LRP1B: variants seen among roughly 807,000 people sequenced by gnomAD.
LRP1B encodes LDL receptor related protein 1B.
A neutral mutation model predicts 556.6 loss-of-function variants in LRP1B; 217 were observed. That is an observed-to-expected ratio of 0.39 (90% confidence interval 0.35 to 0.44). The LOEUF (loss-of-function observed/expected upper bound fraction) is 0.44, where lower values mean the gene tolerates loss of function less well. Ranked by LOEUF, LRP1B falls within the 20% of genes least tolerant of loss-of-function variation. The probability of loss-of-function intolerance (pLI) is 1.00; values close to 1 mark genes in which losing one functional copy is unlikely to be tolerated. For missense variants in LRP1B, 5,053 were observed against 5,620.8 expected, an observed-to-expected ratio of 0.90 and a Z score of 3.23; for synonymous variants, 2,047 against 1,865.8, an observed-to-expected ratio of 1.10 and a Z score of -2.50.
At chr2:141,401,799 G>A (rs2104926153) in intron 3 of LRP1B, among the ~76,000 whole-genome samples, 1 of 152,078 alleles carries the variant, frequency 6.6e-6, no homozygotes, top group South Asian at 2.1e-4. Context: ...AAAATACCTG[G>A]CACTACCATA....
At chr2:140,979,791 T>C (rs1251547276) in intron 18 of LRP1B, among the ~76,000 whole-genome samples, 1 of 152,178 alleles carries the variant, frequency 6.6e-6, no homozygotes, top group Non-Finnish European at 1.5e-5. Context: ...GTTGTAAGCA[T>C]GCCTGGATTA....
chr2:140,789,279 T>G (rs1293822812), intron 32 of LRP1B, among the ~76,000 whole-genome samples: 2 of 152,082 alleles, frequency 1.3e-5, no homozygotes, highest in Non-Finnish European at 2.9e-5. Flanking sequence ...ACATTCCAAT[T>G]ACCTACCTCC....
chr2:141,878,767 C>A (rs568572365), intron 1 of LRP1B, among the ~76,000 whole-genome samples: 1 of 151,882 alleles, frequency 6.6e-6, no homozygotes, highest in South Asian at 2.1e-4. Context: ...AGTCCAATTA[C>A]ATTTATCCAT....
intron 7 of LRP1B, among the ~76,000 whole-genome samples, chr2:141,095,618 T>C (rs1032717278): frequency 6.6e-6 from 1 of 151,956 alleles, no homozygotes; most frequent in South Asian, 2.1e-4. Context: ...ATTCTTAACC[T>C]AAAGTACATA....
chr2:141,731,663 C>T (rs1693278119), intron 2 of LRP1B, among the ~76,000 whole-genome samples: 1 of 152,110 alleles, frequency 6.6e-6, no homozygotes, highest in South Asian at 2.1e-4. Flanking sequence ...TTTCCAGCCT[C>T]TCGAGCTAGA....
At chr2:141,605,774 T>G (rs1687896895) in intron 2 of LRP1B, among the ~76,000 whole-genome samples, 1 of 152,198 alleles carries the variant, frequency 6.6e-6, no homozygotes, top group South Asian at 2.1e-4. Context: ...TGGTATTTTG[T>G]TTTCCTTGAG....
intron 66 of LRP1B, among the ~76,000 whole-genome samples, chr2:140,397,189 CTATTTT>C (rs1407055494): frequency 6.6e-6 from 1 of 152,066 alleles, no homozygotes. Context: ...TTTCTAATCT[CTATTTT>C]TAAGTTCTGG....
intron 18 of LRP1B, among the ~76,000 whole-genome samples, chr2:140,952,964 C>T (rs1438477219): frequency 2.6e-5 from 4 of 152,048 alleles, no homozygotes; most frequent in Admixed American, 2.0e-4. Context: ...TCTTCACACA[C>T]AAGAGCTCCT....
At chr2:140,376,025 T>G (rs1283683547) in intron 68 of LRP1B, among the ~76,000 whole-genome samples, 1 of 151,592 alleles carries the variant, frequency 6.6e-6, no homozygotes, top group Non-Finnish European at 1.5e-5. Flanking sequence ...AGTTTTTTTT[T>G]GTTCTAGACT....
At chr2:141,736,232 G>T (rs1337074723) in intron 2 of LRP1B, among the ~76,000 whole-genome samples, 5 of 152,140 alleles carry the variant, frequency 3.3e-5, no homozygotes, top group Non-Finnish European at 7.4e-5. Flanking sequence ...CTTGTAATAT[G>T]CATCTGTGGC....
At chr2:140,479,713 T>C (rs1311251134) in intron 59 of LRP1B, among the ~76,000 whole-genome samples, 1 of 152,224 alleles carries the variant, frequency 6.6e-6, no homozygotes, top group Non-Finnish European at 1.5e-5. Context: ...TTTCCCTGTG[T>C]GTTTTTGCCT....
chr2:141,632,690 G>T (rs1399515551), intron 2 of LRP1B, among the ~76,000 whole-genome samples: 5 of 151,738 alleles, frequency 3.3e-5, no homozygotes, highest in Non-Finnish European at 7.4e-5. Flanking sequence ...TACCAAATGG[G>T]GTTGGCATAT....
At chr2:141,226,116 T>C (rs1281120358) in intron 6 of LRP1B, among the ~76,000 whole-genome samples, 1 of 33,868 alleles carries the variant, frequency 3.0e-5, no homozygotes, top group African/African-American at 4.7e-5. Flanking sequence ...AGTCTCAATT[T>C]TCCCCCCCAA....
rs1707831619 is a variant in LRP1B at position 142,130,957 on chromosome 2, G to A, written c.-228C>T. 1 of 581,868 alleles carries A rather than the reference G, an allele frequency of 1.7e-6. No individual in the cohort carries two copies. The highest frequency in any genetic ancestry group is 3.1e-6 in the Non-Finnish European group (1 of 324,196). The allele number at this position is 581,868 out of a possible 1,614,324, so 36.0% of individuals were successfully genotyped here. ...GCGCGTGCGGGAGAGAGGAGGCAGA[G>A]CGTGTGTGAGCGCGAGCGAGACGCC... On this transcript the variant is annotated 5_prime_UTR_variant, in exon 1 of 91. Coordinates refer to ENST00000389484, the MANE Select transcript of LRP1B (RefSeq NM_018557.3).
intron 4 of LRP1B, among the ~76,000 whole-genome samples, chr2:141,253,172 G>A (rs1279910786): frequency 3.9e-5 from 6 of 152,094 alleles, no homozygotes; most frequent in African/African-American, 1.2e-4. Flanking sequence ...GAAAGAGCAC[G>A]AATGTTCAAT....
intron 2 of LRP1B, among the ~76,000 whole-genome samples, chr2:141,676,195 C>T (rs1265108180): frequency 1.3e-5 from 2 of 151,956 alleles, no homozygotes; most frequent in Non-Finnish European, 2.9e-5. Flanking sequence ...TGGACTGCCA[C>T]CCCACTATTT....
intron 3 of LRP1B, among the ~76,000 whole-genome samples, chr2:141,457,065 T>C (rs539077093): frequency 6.6e-6 from 1 of 152,342 alleles, no homozygotes; most frequent in African/African-American, 2.4e-5. Flanking sequence ...GTGTGATTAT[T>C]ACCTTACCTT....
At chr2:141,425,208 T>C (rs975434073) in intron 3 of LRP1B, among the ~76,000 whole-genome samples, 4 of 151,906 alleles carry the variant, frequency 2.6e-5, no homozygotes, top group African/African-American at 9.7e-5. Context: ...CTGAGAATGA[T>C]GATTTCCAAT....
intron 59 of LRP1B, among the ~76,000 whole-genome samples, chr2:140,481,578 T>TTTATTATTA (rs539100695): frequency 0.045 from 6,144 of 137,062 alleles, 170 homozygotes; most frequent in South Asian, 0.063. Flanking sequence ...GGTAGCCATC[T>TTTATTATTA]TTATTATTAT....
Sources: gnomAD v4.1 joint callset for allele counts (sites outside exome capture counted in the v4.1 genomes callset) on GRCh38, gnomAD v4.1.1 for gene constraint, MANE v1.5 for transcripts, NCBI Gene and HGNC (gene_info 2026-07-23, HGNC 2026-07-21) for gene names.